INTS7: variants seen among roughly 807,000 people sequenced by gnomAD.
INTS7 encodes chromosome 1 open reading frame 73.
In INTS7, 46 loss-of-function variants were observed where a neutral mutation model predicts 109.2. That is an observed-to-expected ratio of 0.42 (90% confidence interval 0.33 to 0.54). INTS7 has a LOEUF of 0.54. INTS7 is among the 20% of genes least tolerant of loss of function. The pLI is 0.07. For missense variants in INTS7, 929 were observed against 1,132.4 expected (o/e 0.82, Z 2.58); for synonymous variants, 412 against 402.9 (o/e 1.02, Z -0.27).
chr1:212,015,071 G>A (rs887684212), intron 4 of INTS7, among the ~76,000 whole-genome samples: 22 of 141,982 alleles, frequency 1.5e-4, no homozygotes, highest in African/African-American at 5.9e-4. Context: ...CCCGGCAGCC[G>A]CCCCATCCGG....
In INTS7 at chr1:211,998,884, CAAAT is replaced by C. The variant is rs557455526; in HGVS notation, c.879+7751_879+7754del. Among the ~76,000 whole-genome samples the C allele has an allele frequency of 1.6e-4, 25 of 152,106 alleles. No individual in the cohort carries two copies. The East Asian group carries it at 3.9e-3, about 24-fold the overall frequency. ...GGCACTTCACTGAAGATACAGATGA[CAAAT>C]AAGCCTGTAAGATGCTCAACATCAT... is the stretch of plus-strand genomic sequence containing the variant. On this transcript the variant is annotated intron_variant, in intron 7 of 19. Coordinates refer to ENST00000366994, the MANE Select transcript of INTS7 (RefSeq NM_015434.4).
intron 5 of INTS7, among the ~76,000 whole-genome samples, chr1:212,009,211 C>T (rs1240603995): frequency 6.6e-6 from 1 of 152,176 alleles, no homozygotes; most frequent in African/African-American, 2.4e-5. Context: ...ATGTTTTCCT[C>T]TGCCTCTCTC....
chr1:212,010,270 T>C (rs563023548), intron 5 of INTS7, among the ~76,000 whole-genome samples: 19 of 152,280 alleles, frequency 1.2e-4, no homozygotes, highest in Non-Finnish European at 1.6e-4. Context: ...AGAGCTCCCT[T>C]TTATGACTGC....
At chr1:212,006,563 T>C (rs1665918243) in intron 7 of INTS7, 76 bp downstream of exon 7, 3 of 683,264 alleles carry the variant, frequency 4.4e-6, no homozygotes, top group Non-Finnish European at 6.4e-6. Flanking sequence ...AAAGACAATA[T>C]AAAAATGCAA....
intron 16 of INTS7, among the ~76,000 whole-genome samples, chr1:211,957,723 G>T (rs982582238): frequency 1.3e-5 from 2 of 152,074 alleles, no homozygotes; most frequent in Non-Finnish European, 2.9e-5. Flanking sequence ...ATCCAATTCA[G>T]CAAATTTTTC....
intron 2 of INTS7, 45 bp from the exon 3 acceptor site, chr1:212,020,313 T>A: frequency 8.3e-7 from 1 of 1,200,788 alleles, no homozygotes; most frequent in Non-Finnish European, 1.2e-6. Flanking sequence ...AAAGTAATAT[T>A]TAATTAGGAA....
chr1:211,978,197 T>C (rs1252367727), intron 11 of INTS7, 75 bp downstream of exon 11: 10 of 1,511,534 alleles, frequency 6.6e-6, no homozygotes, highest in Non-Finnish European at 9.1e-6. Flanking sequence ...AGTCAAATAG[T>C]AATGTTGACT....
At chr1:211,987,853 T>G in intron 8 of INTS7, 33 bp downstream of exon 8, 1 of 1,208,990 alleles carries the variant, frequency 8.3e-7, no homozygotes, top group Non-Finnish European at 1.2e-6. Context: ...AGTTAGCACA[T>G]TATTTATATG....
chr1:212,011,526 C>G, intron 4 of INTS7, 105 bp from the exon 5 acceptor site: 1 of 720,336 alleles, frequency 1.4e-6, no homozygotes, highest in Non-Finnish European at 2.4e-6. Flanking sequence ...ATACAATATT[C>G]CAAACTGCAA....
chr1:211,944,792 C>A lies in INTS7; in HGVS notation c.2593G>T (p.Asp865Tyr). Reference protein sequence around the residue: ...SSTLQSKSGQDYKIPIDNMTN... With the variant: ...SSTLQSKSGQYYKIPIDNMTN... ...CCTCTTTTCTAAATTACCTTGTAGTCTTGTCCAGATTTACTCTGCAGTGTG... is the reference window on the plus strand; with the variant it reads ...CCTCTTTTCTAAATTACCTTGTAGTATTGTCCAGATTTACTCTGCAGTGTG... The change falls in exon 19 of 20, where the codon GAC becomes TAC. Residue 865 changes from aspartate to tyrosine, a missense_variant. Around this residue, in one of 2 missense-constraint regions of INTS7, gnomAD observed 787 missense variants for 901.1 expected, o/e 0.87. Coordinates refer to ENST00000366994, the MANE Select transcript of INTS7 (RefSeq NM_015434.4). 1 of 1,613,552 alleles carries A rather than the reference C, an allele frequency of 6.2e-7. No homozygotes were observed. Among genetic ancestry groups the A allele is most frequent in the South Asian group, 1.1e-5 (1 of 91,064 alleles).
chr1:211,969,864 G>A (rs147139976), intron 13 of INTS7, among the ~76,000 whole-genome samples: 4,172 of 151,912 alleles, frequency 0.027, 80 homozygotes, highest in Non-Finnish European at 0.04. Context: ...GACTACAGGC[G>A]CCTGCCACCA....
intron 7 of INTS7, among the ~76,000 whole-genome samples, chr1:211,992,171 T>C (rs1047678486): frequency 6.6e-6 from 1 of 152,192 alleles, no homozygotes; most frequent in African/African-American, 2.4e-5. Flanking sequence ...AATTAGCTTG[T>C]GATTAGGACT....
At chr1:212,002,528 T>C (rs1035540249) in intron 7 of INTS7, among the ~76,000 whole-genome samples, 5 of 152,236 alleles carry the variant, frequency 3.3e-5, no homozygotes, top group African/African-American at 9.6e-5. Flanking sequence ...TAATCTCCTC[T>C]ATTAACAGTC....
At chr1:211,981,398 C>G (rs1365981310) in intron 9 of INTS7, among the ~76,000 whole-genome samples, 1 of 152,090 alleles carries the variant, frequency 6.6e-6, no homozygotes, top group Non-Finnish European at 1.5e-5. Context: ...TTATTTCTAC[C>G]ACTTTATTGA....
intron 4 of INTS7, among the ~76,000 whole-genome samples, chr1:212,011,965 T>C (rs752725458): frequency 5.3e-5 from 8 of 152,252 alleles, no homozygotes; most frequent in Admixed American, 1.3e-4. Flanking sequence ...AAATTCTTAA[T>C]GTCAACATTT....
rs199650088 is a variant in INTS7, at chr1:211,966,464, T to C, written c.2149A>G (p.Ile717Val). The change falls in exon 16 of 20, where the codon ATA becomes GTA. Residue 717 changes from isoleucine (I) to valine (V), a missense_variant. Ile to Val is a conservative substitution (Grantham distance 29, BLOSUM62 3). Around this residue, in one of 2 missense-constraint regions of INTS7, gnomAD observed 787 missense variants for 901.1 expected, o/e 0.87. Coordinates refer to ENST00000366994, the MANE Select transcript of INTS7 (RefSeq NM_015434.4). ...QQSCLLISHA[I>V]EALILDPESA... ...TCTGGATCCAAAATCAGGGCTTCTA[T>C]TGCATGAGATATCAGTAAACAGCTC... is the stretch of plus-strand genomic sequence containing the variant. 2.5e-6 allele frequency: 4 copies of C among 1,609,110 alleles called. No homozygotes were observed. The highest frequency in any genetic ancestry group is 3.4e-6 in the Non-Finnish European group (4 of 1,175,954).
At position 211,967,873 on chromosome 1, in the gene INTS7, G is replaced by A. The variant is rs1663975587; in HGVS notation, c.2114+5C>T. 6.6e-7 allele frequency: 1 copy of A among 1,526,252 alleles called. No individual in the cohort carries two copies. The highest frequency in any genetic ancestry group is 1.4e-5 in the African/African-American group (1 of 72,788). 94.5% of individuals were successfully genotyped at this position (1,526,252 alleles called of 1,614,324 possible). On this transcript the variant is annotated splice_donor_5th_base_variant and intron_variant, in intron 15 of 19. Transcript: ENST00000366994. ...ACAAGAAGTACTAGGGCAAGCTTGG[G>A]ATACAGTTCAACATTCCTCAAAGTT...
At chr1:211,993,509 G>A (rs1324288747) in intron 7 of INTS7, among the ~76,000 whole-genome samples, 12 of 151,756 alleles carry the variant, frequency 7.9e-5, no homozygotes, top group African/African-American at 2.9e-4. Flanking sequence ...ATGAAACTCT[G>A]TCTCTACTAA....
chr1:212,021,339 A>T, intron 1 of INTS7, 127 bp from the exon 2 acceptor site: 1 of 725,864 alleles, frequency 1.4e-6, no homozygotes, highest in Non-Finnish European at 2.1e-6. Context: ...GGTAAAGTAT[A>T]ATTCATTACC....
Sources: allele counts gnomAD v4.1 joint callset (sites outside exome capture counted in the v4.1 genomes callset), GRCh38; gene constraint gnomAD v4.1.1; regional missense constraint gnomAD v4.1.1; transcripts MANE v1.5; gene names NCBI Gene and HGNC (gene_info 2026-07-23, HGNC 2026-07-21).